The following ANKRD44 variants were observed in gnomAD, a reference collection of about 807,000 sequenced individuals.
ANKRD44 encodes serine/threonine-protein phosphatase 6 regulatory ankyrin repeat subunit B.
A neutral mutation model predicts 116.0 loss-of-function variants in ANKRD44; 35 were observed. The ratio of observed to expected loss-of-function variants is 0.30; its 90% CI spans 0.23 to 0.40. The LOEUF is 0.40. Among genes scored for constraint, ANKRD44 ranks in the 10% least tolerant of loss-of-function variants. ANKRD44 has a pLI of 1.00. For missense variants in ANKRD44, 1,014 were observed against 1,242.6 expected, an observed-to-expected ratio of 0.82 and a Z score of 2.77; for synonymous variants, 435 against 461.8, an observed-to-expected ratio of 0.94 and a Z score of 0.74.
At chr2:197,220,918 T>C (rs921712433) in intron 1 of ANKRD44, among the ~76,000 whole-genome samples, 2 of 152,194 alleles carry the variant, frequency 1.3e-5, no homozygotes, top group Admixed American at 1.3e-4. Context: ...TTGGAGAACA[T>C]ACTCTCCTAA....
chr2:197,161,059 C>T (rs1432220954), intron 2 of ANKRD44, among the ~76,000 whole-genome samples: 1 of 152,190 alleles, frequency 6.6e-6, no homozygotes, highest in African/African-American at 2.4e-5. Context: ...CTTCTATGCC[C>T]TTTCTAAATT....
chr2:197,167,201 G>A (rs902496995), intron 2 of ANKRD44, among the ~76,000 whole-genome samples: 4 of 151,400 alleles, frequency 2.6e-5, no homozygotes, highest in East Asian at 1.9e-4. Context: ...TTTCAGCAGC[G>A]CCTGCCACCA....
chr2:197,112,630 C>T (rs1445115477), intron 8 of ANKRD44, among the ~76,000 whole-genome samples: 1 of 151,174 alleles, frequency 6.6e-6, no homozygotes, highest in Non-Finnish European at 1.5e-5. Context: ...ATGGCGTGAA[C>T]CCGGGAGGCG....
At chr2:197,230,866 A>G (rs1323661306) in intron 1 of ANKRD44, among the ~76,000 whole-genome samples, 2 of 152,148 alleles carry the variant, frequency 1.3e-5, no homozygotes, top group Non-Finnish European at 2.9e-5. Flanking sequence ...GAGGCAGAGG[A>G]AAGAATCACA....
At chr2:197,261,811 A>T (rs1569126) in intron 1 of ANKRD44, among the ~76,000 whole-genome samples, 113,525 of 152,042 alleles carry the variant, frequency 0.75, 42,483 homozygotes, top group South Asian at 0.83. Context: ...AACATTTGTC[A>T]CATATCAAAC....
chr2:196,986,767 A>T lies in ANKRD44; in HGVS notation c.*2824T>A. 2 of 984,372 alleles carry T rather than the reference A, an allele frequency of 2.0e-6. No homozygotes were observed. The highest frequency in any genetic ancestry group is 2.4e-6 in the Non-Finnish European group (2 of 828,940). 61.0% of individuals were successfully genotyped at this position (984,372 alleles called of 1,614,324 possible). ...TCATTACGTTATTAGAGCATTCAGT[A>T]GTTGCAAAAGTATTAAACTGTGCTT... is the stretch of plus-strand genomic sequence containing the variant. On this transcript the variant is annotated 3_prime_UTR_variant, in exon 28 of 28. Coordinates refer to ENST00000282272, the MANE Select transcript of ANKRD44 (RefSeq NM_001195144.2).
intron 1 of ANKRD44, among the ~76,000 whole-genome samples, chr2:197,224,223 A>G (rs1438045641): frequency 6.6e-6 from 1 of 152,200 alleles, no homozygotes; most frequent in East Asian, 1.9e-4. Flanking sequence ...TCAAATTGTG[A>G]CCATAGTTTG....
intron 1 of ANKRD44, among the ~76,000 whole-genome samples, chr2:197,234,444 G>A (rs186273465): frequency 1.1e-4 from 17 of 152,294 alleles, no homozygotes; most frequent in Admixed American, 4.6e-4. Context: ...CACCCATCTC[G>A]GCCTCACACA....
chr2:197,063,253 G>A (rs1207278176), intron 16 of ANKRD44, among the ~76,000 whole-genome samples: 1 of 152,212 alleles, frequency 6.6e-6, no homozygotes, highest in Non-Finnish European at 1.5e-5. Flanking sequence ...CTGACTGTTA[G>A]AAGGAAAACT....
intron 2 of ANKRD44, among the ~76,000 whole-genome samples, chr2:197,154,889 C>T (rs1280444437): frequency 6.6e-6 from 1 of 152,106 alleles, no homozygotes; most frequent in African/African-American, 2.4e-5. Flanking sequence ...GGTATTGTAA[C>T]CCATTCATTT....
intron 16 of ANKRD44, among the ~76,000 whole-genome samples, chr2:197,044,577 T>G (rs1006629511): frequency 1.3e-5 from 2 of 152,160 alleles, no homozygotes; most frequent in African/African-American, 4.8e-5. Context: ...GCCAGGCTGG[T>G]CTCAAACTCC....
chr2:197,044,208 G>A (rs2076960695), intron 16 of ANKRD44, among the ~76,000 whole-genome samples: 1 of 152,154 alleles, frequency 6.6e-6, no homozygotes, highest in East Asian at 1.9e-4. Flanking sequence ...GTCTTATGAT[G>A]CCAAATTATT....
chr2:197,160,910 A>G (rs2079944543), intron 2 of ANKRD44, among the ~76,000 whole-genome samples: 1 of 152,220 alleles, frequency 6.6e-6, no homozygotes, highest in Non-Finnish European at 1.5e-5. Flanking sequence ...AAAATTCTGC[A>G]GGCCAAGACT....
chr2:197,039,965 A>G (rs893440394), intron 16 of ANKRD44, among the ~76,000 whole-genome samples: 24 of 152,294 alleles, frequency 1.6e-4, no homozygotes, highest in African/African-American at 5.1e-4. Context: ...GCAGTGGCTC[A>G]TGCCTATAAT....
At chr2:197,063,152 C>T (rs1359145151) in intron 16 of ANKRD44, among the ~76,000 whole-genome samples, 1 of 152,186 alleles carries the variant, frequency 6.6e-6, no homozygotes, top group Non-Finnish European at 1.5e-5. Context: ...GCAACATTTG[C>T]TGTTCAGCAA....
chr2:197,302,980 G>C (rs1559235035), intron 1 of ANKRD44, among the ~76,000 whole-genome samples: 1 of 152,208 alleles, frequency 6.6e-6, no homozygotes, highest in Non-Finnish European at 1.5e-5. Flanking sequence ...CCTTTGTAAG[G>C]ATTGCTCCCT....
intron 4 of ANKRD44, among the ~76,000 whole-genome samples, chr2:197,131,620 G>C (rs563503588): frequency 2.3e-4 from 35 of 151,166 alleles, no homozygotes; most frequent in African/African-American, 8.4e-4. Flanking sequence ...CTAGAATGGA[G>C]AAGTGAAAAG....
At position 196,991,706 on chromosome 2, in the gene ANKRD44, G is replaced by A. The variant is rs143924027; in HGVS notation, c.2923+1877C>T. Reference sequence around the variant, plus strand: ...AGCAATCCTCCCACCTCAGCCTCCCGAGTAGCTGGGACTATAGGTGTGTGC... The same window carrying A: ...AGCAATCCTCCCACCTCAGCCTCCCAAGTAGCTGGGACTATAGGTGTGTGC... On this transcript the variant is annotated intron_variant, in intron 27 of 27. Coordinates refer to ENST00000282272, the MANE Select transcript of ANKRD44 (RefSeq NM_001195144.2). Among the ~76,000 whole-genome samples the A allele has an allele frequency of 2.4e-3, 369 of 151,700 alleles. 1 individual carries two copies. Among genetic ancestry groups the A allele is most frequent in the East Asian group, 8.9e-3 (46 of 5,148 alleles).
intron 1 of ANKRD44, among the ~76,000 whole-genome samples, chr2:197,225,203 C>A (rs757073970): frequency 2.6e-4 from 40 of 152,124 alleles, no homozygotes; most frequent in Non-Finnish European, 4.4e-4. Flanking sequence ...AGATTTATGC[C>A]ACATATCCCA....
Sources: allele counts gnomAD v4.1 joint callset (sites outside exome capture counted in the v4.1 genomes callset), GRCh38; gene constraint gnomAD v4.1.1; transcripts MANE v1.5; gene names NCBI Gene and HGNC (gene_info 2026-07-23, HGNC 2026-07-21).